The following HIPK2 variants were observed in gnomAD, a reference collection of about 807,000 sequenced individuals.
The protein encoded by HIPK2 is homeodomain-interacting protein kinase 2.
A neutral mutation model predicts 113.7 loss-of-function variants in HIPK2; 27 were observed. That is an observed-to-expected ratio of 0.24 (90% CI 0.17 to 0.33). The LOEUF is 0.33. Ranked by LOEUF, HIPK2 falls within the 10% of genes least tolerant of loss-of-function variation. The pLI is 1.00. For missense variants in HIPK2, 1,257 were observed against 1,588.0 expected (o/e 0.79, Z 3.54); for synonymous variants, 631 against 642.2 (o/e 0.98, Z 0.26).
intron 2 of HIPK2, among the ~76,000 whole-genome samples, chr7:139,661,275 C>A (rs1048296603): frequency 1.5e-4 from 23 of 152,188 alleles, no homozygotes; most frequent in Admixed American, 3.9e-4. Context: ...CCAATATAAG[C>A]GTCTCTTCTA....
chr7:139,758,038 C>T (rs964855116), intron 1 of HIPK2, among the ~76,000 whole-genome samples: 7 of 152,094 alleles, frequency 4.6e-5, no homozygotes, highest in African/African-American at 1.4e-4. Context: ...TTGTCTTTGA[C>T]GGGAAGACTC....
intron 1 of HIPK2, among the ~76,000 whole-genome samples, chr7:139,721,155 C>G (rs1332404422): frequency 6.6e-6 from 1 of 152,224 alleles, no homozygotes; most frequent in African/African-American, 2.4e-5. Context: ...AATGACTGGA[C>G]CCAACGCTCA....
intron 2 of HIPK2, among the ~76,000 whole-genome samples, chr7:139,636,900 C>G (rs966122593): frequency 6.6e-6 from 1 of 152,168 alleles, no homozygotes; most frequent in African/African-American, 2.4e-5. Flanking sequence ...TCTGGAATGT[C>G]TCATAGTCAT....
intron 9 of HIPK2, among the ~76,000 whole-genome samples, chr7:139,608,305 G>T (rs1799696811): frequency 7.2e-6 from 1 of 138,734 alleles, no homozygotes; most frequent in South Asian, 2.2e-4. Flanking sequence ...AAACTTTTAG[G>T]GATAATATAT....
chr7:139,757,018 C>T (rs928694808), intron 1 of HIPK2, among the ~76,000 whole-genome samples: 3 of 152,160 alleles, frequency 2.0e-5, no homozygotes, highest in Admixed American at 6.5e-5. Flanking sequence ...TTCCCAGGCC[C>T]AGAACTTTAC....
At chr7:139,748,521 G>A (rs1796228376) in intron 1 of HIPK2, among the ~76,000 whole-genome samples, 1 of 151,908 alleles carries the variant, frequency 6.6e-6, no homozygotes, top group African/African-American at 2.4e-5. Context: ...TCCGGTGGGC[G>A]CTGGCAATCT....
At chr7:139,722,263 T>C (rs190163964) in intron 1 of HIPK2, among the ~76,000 whole-genome samples, 45 of 152,324 alleles carry the variant, frequency 3.0e-4, no homozygotes, top group African/African-American at 1.1e-3. Flanking sequence ...TTAAAATATA[T>C]GCTATAGTTA....
intron 1 of HIPK2, among the ~76,000 whole-genome samples, chr7:139,737,704 G>A (rs967171009): frequency 4.6e-5 from 7 of 152,164 alleles, no homozygotes; most frequent in African/African-American, 1.7e-4. Context: ...ACAGGGTCAC[G>A]ACTAAGCCAT....
chr7:139,597,140 G>T, intron 11 of HIPK2, 142 bp from the exon 12 acceptor site: 1 of 848,206 alleles, frequency 1.2e-6, no homozygotes, highest in Non-Finnish European at 1.8e-6. Flanking sequence ...CTCCATCTGT[G>T]ACTGGGAAAG....
At chr7:139,687,805 A>C (rs1440669511) in intron 2 of HIPK2, among the ~76,000 whole-genome samples, 9 of 152,248 alleles carry the variant, frequency 5.9e-5, no homozygotes, top group Admixed American at 5.9e-4. Flanking sequence ...ATTCTGGCTG[A>C]AACAGCTTAG....
At chr7:139,761,221 TG>T (rs1796458634) in intron 1 of HIPK2, among the ~76,000 whole-genome samples, 1 of 152,080 alleles carries the variant, frequency 6.6e-6, no homozygotes, top group African/African-American at 2.4e-5. Flanking sequence ...ATAGAAGAAA[TG>T]AAAGAATTAC....
rs140251943 is a variant in HIPK2, at chr7:139,672,215, C to A, written c.1104-40490G>T. On this transcript the variant is annotated intron_variant, in intron 2 of 14. Coordinates refer to ENST00000406875, the MANE Select transcript of HIPK2 (RefSeq NM_022740.5). Reference sequence around the variant, plus strand: ...CTCCCTGCCCTCACGGAATTTACATCTACCTCATAACACTTGAAGATAAGT... The same window carrying A: ...CTCCCTGCCCTCACGGAATTTACATATACCTCATAACACTTGAAGATAAGT... Among the ~76,000 whole-genome samples the A allele has an allele frequency of 6.5e-3, 991 of 152,278 alleles. 9 individuals are homozygous for A. Among genetic ancestry groups the A allele is most frequent in the Middle Eastern group, 0.027 (8 of 294 alleles).
At chr7:139,612,538 G>A (rs1353151415) in intron 9 of HIPK2, among the ~76,000 whole-genome samples, 1 of 152,144 alleles carries the variant, frequency 6.6e-6, no homozygotes, top group East Asian at 1.9e-4. Context: ...GTGGCATTGT[G>A]GGGATTAAAT....
At chr7:139,594,523 A>G (rs541635400) in intron 12 of HIPK2, among the ~76,000 whole-genome samples, 1 of 152,314 alleles carries the variant, frequency 6.6e-6, no homozygotes, top group East Asian at 1.9e-4. Flanking sequence ...TGGTTTCTCT[A>G]TAAATAAAAC....
intron 2 of HIPK2, among the ~76,000 whole-genome samples, chr7:139,699,919 TTGTC>T (rs1456979077): frequency 2.6e-5 from 4 of 152,216 alleles, no homozygotes; most frequent in Admixed American, 2.6e-4. Context: ...TATGCCACCT[TTGTC>T]TGGGGCACTG....
chr7:139,645,511 G>C (rs1333162382), intron 2 of HIPK2, among the ~76,000 whole-genome samples: 2 of 152,184 alleles, frequency 1.3e-5, no homozygotes, highest in Non-Finnish European at 2.9e-5. Context: ...CTGTGTGTTA[G>C]GTGGAAAACT....
chr7:139,725,507 T>TA (rs1356949239), intron 1 of HIPK2, among the ~76,000 whole-genome samples: 4 of 152,218 alleles, frequency 2.6e-5, no homozygotes, highest in Non-Finnish European at 4.4e-5. Context: ...AAGCAATAAA[T>TA]AACCACCAGT....
At chr7:139,722,506 G>C (rs1038766524) in intron 1 of HIPK2, among the ~76,000 whole-genome samples, 3 of 152,114 alleles carry the variant, frequency 2.0e-5, no homozygotes, top group Admixed American at 6.5e-5. Flanking sequence ...TAAAACATCT[G>C]CCTTCTAGCC....
At chr7:139,708,924 CTGTG>C (rs375440374) in intron 2 of HIPK2, among the ~76,000 whole-genome samples, 1 of 151,832 alleles carries the variant, frequency 6.6e-6, no homozygotes, top group African/African-American at 2.4e-5. Context: ...GTGTGTGCAC[CTGTG>C]TGTGTGTGAA....
Sources: allele counts gnomAD v4.1 joint callset (sites outside exome capture counted in the v4.1 genomes callset), GRCh38; gene constraint gnomAD v4.1.1; transcripts MANE v1.5; gene names NCBI Gene and HGNC (gene_info 2026-07-23, HGNC 2026-07-21).